Variants in TENM1 observed in about 807,000 individuals in gnomAD.
The protein encoded by TENM1 is teneurin-1.
TENM1 carries 35 observed loss-of-function variants against 174.8 expected under a neutral mutation model. The observed-to-expected ratio is 0.20, with a 90% CI of 0.15 to 0.27. TENM1 has a LOEUF of 0.27. Ranked by LOEUF, TENM1 falls within the 10% of genes least tolerant of loss-of-function variation. The probability of loss-of-function intolerance (pLI) is 1.00; values close to 1 mark genes in which losing one functional copy is unlikely to be tolerated. For missense variants in TENM1, 1,633 were observed against 2,130.1 expected (o/e 0.77, Z 4.59); for synonymous variants, 781 against 798.7 (o/e 0.98, Z 0.37).
intron 11 of TENM1, among the ~76,000 whole-genome samples, chrX:124,576,427 G>A (rs1281304403): frequency 2.0e-5 from 2 of 98,206 alleles, no homozygotes; most frequent in Non-Finnish European, 4.1e-5. Flanking sequence ...GCTCAGCCAT[G>A]GCAGAGTTTG....
At chrX:124,784,112 C>G (rs2054982260) in intron 3 of TENM1, among the ~76,000 whole-genome samples, 1 of 112,200 alleles carries the variant, frequency 8.9e-6, no homozygotes, top group African/African-American at 3.2e-5. Context: ...AGAACAGAAT[C>G]TACAGTCTCC....
At chrX:124,425,464 G>T (rs2060701582) in intron 23 of TENM1, among the ~76,000 whole-genome samples, 1 of 111,707 alleles carries the variant, frequency 9.0e-6, no homozygotes, top group South Asian at 3.7e-4. Flanking sequence ...GGGTCCCCAT[G>T]ATGGGACTGG....
At chrX:124,620,843 A>G (rs2050500560) in intron 11 of TENM1, among the ~76,000 whole-genome samples, 1 of 112,308 alleles carries the variant, frequency 8.9e-6, no homozygotes, top group Non-Finnish European at 1.9e-5. Context: ...TCTTATGGAA[A>G]TAATTATTAT....
At chrX:124,691,591 C>T (rs777800318) in intron 5 of TENM1, among the ~76,000 whole-genome samples, 6 of 111,946 alleles carry the variant, frequency 5.4e-5, no homozygotes, top group African/African-American at 1.9e-4. Context: ...TTGCCACTTA[C>T]AGTTTTTTAC....
intron 11 of TENM1, among the ~76,000 whole-genome samples, chrX:124,571,667 G>A (rs2049056295): frequency 8.9e-6 from 1 of 111,793 alleles, no homozygotes; most frequent in African/African-American, 3.2e-5. Flanking sequence ...ATTAGAGACT[G>A]CTATTAACAA....
At chrX:125,125,112 T>C in the TENM1 span, among the ~76,000 whole-genome samples, 2 of 112,282 alleles carry the variant, frequency 1.8e-5, no homozygotes, top group Admixed American at 1.9e-4. Flanking sequence ...GTCAAACTCA[T>C]TATTAAAGTG....
the TENM1 span, among the ~76,000 whole-genome samples, chrX:124,972,690 A>C: frequency 8.9e-6 from 1 of 112,093 alleles, no homozygotes; most frequent in Non-Finnish European, 1.9e-5. Context: ...TAGTATATAA[A>C]AAGAGAAGTA....
At chrX:124,449,608 A>G (rs1039733376) in intron 23 of TENM1, among the ~76,000 whole-genome samples, 1 of 111,946 alleles carries the variant, frequency 8.9e-6, no homozygotes, top group South Asian at 3.7e-4. Flanking sequence ...CTCCTCCTCC[A>G]TACAAATACA....
intron 1 of TENM1, among the ~76,000 whole-genome samples, chrX:124,902,836 T>C (rs920534680): frequency 8.9e-6 from 1 of 112,586 alleles, no homozygotes; most frequent in African/African-American, 3.2e-5. Flanking sequence ...CCTTTCTTCA[T>C]GAAAATGTTT....
chrX:124,738,781 G>A (rs1414422615), intron 3 of TENM1, among the ~76,000 whole-genome samples: 2 of 111,669 alleles, frequency 1.8e-5, no homozygotes, highest in Non-Finnish European at 3.8e-5. Flanking sequence ...GGGACTCAAA[G>A]AAGCATAGAA....
the TENM1 span, among the ~76,000 whole-genome samples, chrX:125,100,144 GTGTA>G: frequency 2.7e-5 from 3 of 111,846 alleles, no homozygotes; most frequent in South Asian, 1.1e-3. Context: ...TGTGTTATGT[GTGTA>G]TGTATGTATG....
intron 1 of TENM1, among the ~76,000 whole-genome samples, chrX:124,960,249 T>C (rs2058634311): frequency 8.9e-6 from 1 of 112,085 alleles, no homozygotes; most frequent in Admixed American, 9.5e-5. Flanking sequence ...ATCTGCTCTC[T>C]AGGAATGTCC....
intron 11 of TENM1, among the ~76,000 whole-genome samples, chrX:124,600,900 T>C (rs1197897593): frequency 2.7e-5 from 3 of 111,969 alleles, no homozygotes; most frequent in Non-Finnish European, 5.7e-5. Flanking sequence ...GGATATGTGA[T>C]GAAATATGAA....
intron 1 of TENM1, among the ~76,000 whole-genome samples, chrX:124,939,602 T>C (rs996063134): frequency 4.5e-5 from 5 of 111,933 alleles, no homozygotes; most frequent in African/African-American, 1.6e-4. Flanking sequence ...TTACAGTGGC[T>C]TCAAAGTCCT....
intron 5 of TENM1, among the ~76,000 whole-genome samples, chrX:124,703,584 C>T (rs765070108): frequency 3.8e-4 from 42 of 111,772 alleles, no homozygotes; most frequent in African/African-American, 1.3e-3. Context: ...TAGAAAATAA[C>T]CCATATAAAA....
the TENM1 span, among the ~76,000 whole-genome samples, chrX:125,040,592 C>A: frequency 1.8e-5 from 2 of 111,237 alleles, no homozygotes; most frequent in Non-Finnish European, 3.8e-5. Context: ...TTAATATGGG[C>A]AACTCTCATC....
chrX:124,785,580 G>T (rs1306794252), intron 3 of TENM1, among the ~76,000 whole-genome samples: 1 of 112,049 alleles, frequency 8.9e-6, no homozygotes, highest in East Asian at 2.8e-4. Flanking sequence ...AGAATATTTT[G>T]ACTTGCTTTG....
intron 18 of TENM1, among the ~76,000 whole-genome samples, chrX:124,507,776 C>T (rs986841507): frequency 7.2e-5 from 8 of 111,546 alleles, no homozygotes; most frequent in African/African-American, 2.6e-4. Context: ...ATGAAGCTGA[C>T]GTGTGAAATA....
chrX:125,016,703 G>GA, the TENM1 span, among the ~76,000 whole-genome samples: 1 of 111,276 alleles, frequency 9.0e-6, no homozygotes, highest in Non-Finnish European at 1.9e-5. Flanking sequence ...CACATAATTA[G>GA]AAAAAACTAC....
Sources: gnomAD v4.1 joint callset for allele counts (sites outside exome capture counted in the v4.1 genomes callset) on GRCh38, gnomAD v4.1.1 for gene constraint, MANE v1.5 for transcripts, NCBI Gene and HGNC (gene_info 2026-07-23, HGNC 2026-07-21) for gene names.